The following GALNTL6 variants were observed in gnomAD, a reference collection of about 807,000 sequenced individuals.
The protein encoded by GALNTL6 is polypeptide N-acetylgalactosaminyltransferase-like 6.
Under a neutral mutation model 73.7 loss-of-function variants are expected in GALNTL6, and 46 were observed. The observed-to-expected ratio is 0.62, with a 90% CI of 0.49 to 0.80. The LOEUF (loss-of-function observed/expected upper bound fraction) is 0.80. GALNTL6 is among the 30% of genes least tolerant of loss of function. GALNTL6 has a pLI of 0.00. For missense variants in GALNTL6, 604 were observed against 755.0 expected, an observed-to-expected ratio of 0.80 and a Z score of 2.34; for synonymous variants, 259 against 263.7, an observed-to-expected ratio of 0.98 and a Z score of 0.17.
intron 5 of GALNTL6, among the ~76,000 whole-genome samples, chr4:172,423,180 A>G (rs1232088409): frequency 6.6e-6 from 1 of 151,902 alleles, no homozygotes; most frequent in Admixed American, 6.6e-5. Flanking sequence ...GGGTTATGCA[A>G]TAACATTGTA....
At chr4:172,354,407 G>A (rs1344545669) in intron 5 of GALNTL6, among the ~76,000 whole-genome samples, 2 of 152,130 alleles carry the variant, frequency 1.3e-5, no homozygotes, top group East Asian at 3.8e-4. Flanking sequence ...ATGGAAAGGA[G>A]CTATTCTGCT....
chr4:172,250,113 A>T (rs1737805304), intron 3 of GALNTL6, among the ~76,000 whole-genome samples: 1 of 152,138 alleles, frequency 6.6e-6, no homozygotes. Flanking sequence ...CGTAGGGTAC[A>T]GCCCAAGGCT....
At chr4:171,902,153 A>C (rs1737118924) in intron 2 of GALNTL6, among the ~76,000 whole-genome samples, 1 of 152,232 alleles carries the variant, frequency 6.6e-6, no homozygotes, top group African/African-American at 2.4e-5. Flanking sequence ...CTGGAGATTT[A>C]GTTCCCATAG....
chr4:172,518,657 A>T (rs979995401), intron 5 of GALNTL6, among the ~76,000 whole-genome samples: 8 of 151,972 alleles, frequency 5.3e-5, no homozygotes, highest in African/African-American at 1.9e-4. Context: ...CGAATTAATA[A>T]CTCATTATAA....
chr4:171,884,082 C>G (rs1209831489), intron 2 of GALNTL6, among the ~76,000 whole-genome samples: 1 of 152,158 alleles, frequency 6.6e-6, no homozygotes, highest in Non-Finnish European at 1.5e-5. Flanking sequence ...TTTTCTCTCT[C>G]GAAAAGTTGC....
intron 2 of GALNTL6, among the ~76,000 whole-genome samples, chr4:171,962,895 A>G (rs1381371869): frequency 6.7e-6 from 1 of 149,372 alleles, no homozygotes; most frequent in East Asian, 2.0e-4. Flanking sequence ...AGCTTCTCAG[A>G]TAGCTGGGAC....
chr4:172,225,451 A>C (rs1479901968), intron 2 of GALNTL6, among the ~76,000 whole-genome samples: 2 of 150,800 alleles, frequency 1.3e-5, no homozygotes, highest in East Asian at 3.9e-4. Flanking sequence ...ATTGTGTCAC[A>C]TTCCAATTCA....
chr4:172,955,970 A>C (rs189581883), intron 10 of GALNTL6, among the ~76,000 whole-genome samples: 3 of 152,292 alleles, frequency 2.0e-5, no homozygotes, highest in Non-Finnish European at 4.4e-5. Context: ...TTGTGGTGGA[A>C]TGTCATCAAG....
At chr4:172,882,494 A>C (rs1019857590) in intron 7 of GALNTL6, among the ~76,000 whole-genome samples, 1 of 152,198 alleles carries the variant, frequency 6.6e-6, no homozygotes, top group Admixed American at 6.5e-5. Context: ...TCATGTAGTA[A>C]TATTTCTCAC....
At chr4:172,568,757 C>CA (rs71592082) in intron 5 of GALNTL6, among the ~76,000 whole-genome samples, 30,344 of 67,026 alleles carry the variant, frequency 0.45, 7,618 homozygotes, top group Middle Eastern at 0.64. Flanking sequence ...GACTCCATCT[C>CA]AAAAAAAAAA....
At chr4:172,679,957 A>T (rs943692604) in intron 5 of GALNTL6, among the ~76,000 whole-genome samples, 2 of 151,910 alleles carry the variant, frequency 1.3e-5, no homozygotes, top group East Asian at 3.9e-4. Flanking sequence ...TTCAATGCTT[A>T]CCACCATCTT....
intron 7 of GALNTL6, among the ~76,000 whole-genome samples, chr4:172,873,065 G>A (rs1332002225): frequency 1.3e-5 from 2 of 152,144 alleles, no homozygotes; most frequent in African/African-American, 4.8e-5. Context: ...ATTCTTCAGT[G>A]GTACCTAGTC....
intron 12 of GALNTL6, among the ~76,000 whole-genome samples, chr4:173,029,436 C>T (rs1753367452): frequency 6.6e-6 from 1 of 152,244 alleles, no homozygotes; most frequent in African/African-American, 2.4e-5. Flanking sequence ...CCTCCATCTC[C>T]TGGACACTCA....
At chr4:172,156,901 T>C (rs1489482302) in intron 2 of GALNTL6, among the ~76,000 whole-genome samples, 2 of 152,074 alleles carry the variant, frequency 1.3e-5, no homozygotes, top group Non-Finnish European at 2.9e-5. Flanking sequence ...AACCATTATA[T>C]ACTTGTTATA....
intron 5 of GALNTL6, among the ~76,000 whole-genome samples, chr4:172,391,969 T>C (rs1005044784): frequency 1.3e-5 from 2 of 152,122 alleles, no homozygotes; most frequent in Admixed American, 6.5e-5. Flanking sequence ...TAATCAACTT[T>C]TTAACTCAAA....
intron 2 of GALNTL6, among the ~76,000 whole-genome samples, chr4:171,899,434 A>G (rs1737018080): frequency 6.6e-6 from 1 of 152,132 alleles, no homozygotes; most frequent in South Asian, 2.1e-4. Flanking sequence ...AAATTAGAAA[A>G]CTAATAAAAG....
chr4:172,762,496 T>C (rs1045227561), intron 5 of GALNTL6, among the ~76,000 whole-genome samples: 22 of 152,138 alleles, frequency 1.4e-4, no homozygotes, highest in Admixed American at 1.3e-3. Context: ...AGATTGCCCG[T>C]GGAAAATCCC....
chr4:172,228,174 T>C (rs1382111253), intron 2 of GALNTL6, among the ~76,000 whole-genome samples: 1 of 152,158 alleles, frequency 6.6e-6, no homozygotes, highest in Non-Finnish European at 1.5e-5. Flanking sequence ...TTGCTATATA[T>C]CCCCAAAACT....
At chr4:172,539,400 C>G (rs1250919850) in intron 5 of GALNTL6, among the ~76,000 whole-genome samples, 1 of 152,142 alleles carries the variant, frequency 6.6e-6, no homozygotes, top group Non-Finnish European at 1.5e-5. Flanking sequence ...TTTTATGTTT[C>G]AACTTTCTGT....
Sources: allele counts gnomAD v4.1 joint callset (sites outside exome capture counted in the v4.1 genomes callset), GRCh38; gene constraint gnomAD v4.1.1; transcripts MANE v1.5; gene names NCBI Gene and HGNC (gene_info 2026-07-23, HGNC 2026-07-21).